The following DIS3L2 variants were observed in gnomAD, a reference collection of about 807,000 sequenced individuals.
DIS3L2 encodes DIS3 like 3'-5' exoribonuclease 2.
A neutral mutation model predicts 97.5 loss-of-function variants in DIS3L2; 34 were observed. The observed-to-expected ratio is 0.35, with a 90% CI of 0.27 to 0.46. The LOEUF is 0.46. Among genes scored for constraint, DIS3L2 ranks in the 20% least tolerant of loss-of-function variants. The pLI is 1.00. For missense variants in DIS3L2, 1,038 were observed against 1,146.0 expected (o/e 0.91, Z 1.36); for synonymous variants, 435 against 445.2 (o/e 0.98, Z 0.29).
chr2:232,228,611 C>G (rs1692709432), intron 10 of DIS3L2, among the ~76,000 whole-genome samples: 1 of 152,096 alleles, frequency 6.6e-6, no homozygotes, highest in Admixed American at 6.6e-5. Flanking sequence ...CATAATCCAC[C>G]AGGAGAATTG....
intron 5 of DIS3L2, among the ~76,000 whole-genome samples, chr2:232,078,240 T>C (rs1175105113): frequency 1.3e-5 from 2 of 151,986 alleles, no homozygotes; most frequent in Middle Eastern, 3.2e-3. Context: ...GATGGGGTTT[T>C]GCCATGTTGG....
Position 232,126,371 on chromosome 2 carries a change from TAGA to T in DIS3L2, c.602-4241_602-4239del, listed in dbSNP as rs559641740. Among the ~76,000 whole-genome samples, 706 of 152,328 alleles carry T rather than the reference TAGA, an allele frequency of 4.6e-3. 3 individuals carry two copies. The highest frequency in any genetic ancestry group is 7.8e-3 in the Non-Finnish European group (530 of 68,024). On this transcript the variant is annotated intron_variant, in intron 6 of 20. Transcript: ENST00000325385. Reference sequence around the variant, plus strand: ...GAAAGAAGTTAATTTCTATCTCACGTAGAAGAAGATCAGAGACAGGCAGGCCAA... The same window carrying T: ...GAAAGAAGTTAATTTCTATCTCACGTAGAAGATCAGAGACAGGCAGGCCAA...
At chr2:232,301,891 C>T (rs77244045) in intron 14 of DIS3L2, among the ~76,000 whole-genome samples, 11,661 of 136,900 alleles carry the variant, frequency 0.085, 577 homozygotes, top group Middle Eastern at 0.17. Context: ...GTTCCCTAGG[C>T]TGGTCTTGAA....
At chr2:232,181,404 T>C (rs924357709) in intron 9 of DIS3L2, among the ~76,000 whole-genome samples, 5 of 152,164 alleles carry the variant, frequency 3.3e-5, no homozygotes, top group African/African-American at 9.7e-5. Context: ...TCCTGCAGAG[T>C]GTTTTCCAAC....
chr2:232,055,121 A>G (rs985783110), intron 5 of DIS3L2, among the ~76,000 whole-genome samples: 1 of 152,256 alleles, frequency 6.6e-6, no homozygotes, highest in Admixed American at 6.5e-5. Flanking sequence ...ACAAAAGCCG[A>G]CAGTAAACAT....
At chr2:232,154,911 C>G (rs1474119335) in intron 8 of DIS3L2, among the ~76,000 whole-genome samples, 9 of 73,012 alleles carry the variant, frequency 1.2e-4, no homozygotes, top group African/African-American at 4.3e-4. Context: ...CGTGGTGCGC[C>G]GTTTCTTAAG....
At chr2:232,317,542 T>C (rs1322974251) in intron 14 of DIS3L2, among the ~76,000 whole-genome samples, 1 of 152,136 alleles carries the variant, frequency 6.6e-6, no homozygotes, top group East Asian at 1.9e-4. Context: ...GTTCAAGCGA[T>C]TCATGTGCCT....
chr2:232,133,388 AGGACC>A (rs1698271862), intron 7 of DIS3L2, among the ~76,000 whole-genome samples: 1 of 152,234 alleles, frequency 6.6e-6, no homozygotes, highest in Non-Finnish European at 1.5e-5. Context: ...AAAGTAGGTC[AGGACC>A]TGCATGTTAA....
At chr2:232,284,918 C>T (rs1219134821) in intron 13 of DIS3L2, among the ~76,000 whole-genome samples, 1 of 152,176 alleles carries the variant, frequency 6.6e-6, no homozygotes, top group Non-Finnish European at 1.5e-5. Context: ...TTAGCAGGTG[C>T]TTGCCCACAG....
At chr2:232,343,428 A>G in exon 14 of DIS3L2, 1 of 1,556,134 alleles carries the variant, frequency 6.4e-7, no homozygotes, top group Non-Finnish European at 8.7e-7. Flanking sequence ...AGCCCTCCAC[A>G]GAGGAACGCC....
At position 232,300,444 on chromosome 2, in the gene DIS3L2, T is replaced by C. The variant is rs546691798; in HGVS notation, c.1739+325T>C. ...TCATGTGCCTGCTTGTTTGGTTCAC[T>C]GTGTGACTTTGGCTTTGTTGTAGTT... On this transcript the variant is annotated intron_variant, in intron 14 of 20. Transcript: ENST00000325385. Among the ~76,000 whole-genome samples the C allele has an allele frequency of 4.6e-5, 7 of 152,320 alleles. 1 individual carries two copies. In the East Asian group the frequency reaches 1.2e-3, roughly 25 times the overall value.
intron 8 of DIS3L2, among the ~76,000 whole-genome samples, chr2:232,145,722 C>T (rs955134871): frequency 2.0e-5 from 3 of 151,982 alleles, no homozygotes; most frequent in Admixed American, 1.3e-4. Flanking sequence ...TTGTTTTTGC[C>T]ATCCTCTGTT....
At chr2:232,190,636 A>T (rs72992343) in intron 9 of DIS3L2, among the ~76,000 whole-genome samples, 1,887 of 152,056 alleles carry the variant, frequency 0.012, 17 homozygotes, top group Non-Finnish European at 0.018. Context: ...AAGAAAGAGA[A>T]AGAAAGAGAG....
At chr2:232,138,608 C>T (rs919436163) in intron 8 of DIS3L2, among the ~76,000 whole-genome samples, 2 of 152,010 alleles carry the variant, frequency 1.3e-5, no homozygotes, top group Admixed American at 6.6e-5. Flanking sequence ...TCTGGTTATC[C>T]GTTACTGATC....
intron 3 of DIS3L2, among the ~76,000 whole-genome samples, chr2:232,020,910 G>A (rs1246945537): frequency 6.6e-5 from 10 of 152,156 alleles, no homozygotes; most frequent in Admixed American, 6.5e-4. Context: ...TATAAGAGGA[G>A]CGTCTGTTAT....
chr2:232,086,237 G>T (rs954039621), intron 5 of DIS3L2, among the ~76,000 whole-genome samples: 1 of 150,662 alleles, frequency 6.6e-6, no homozygotes, highest in African/African-American at 2.4e-5. Flanking sequence ...ACGTGTATAC[G>T]TATATATACA....
chr2:231,963,407 G>C (rs1692623046), intron 1 of DIS3L2, among the ~76,000 whole-genome samples: 1 of 152,138 alleles, frequency 6.6e-6, no homozygotes, highest in Non-Finnish European at 1.5e-5. Flanking sequence ...CTTCTGAGAA[G>C]TGTTCATGTC....
intron 11 of DIS3L2, among the ~76,000 whole-genome samples, chr2:232,244,653 C>A (rs1693199220): frequency 6.6e-6 from 1 of 152,050 alleles, no homozygotes; most frequent in South Asian, 2.1e-4. Context: ...GAGAAATTGG[C>A]CAAAGGAAGG....
At chr2:232,084,997 T>C (rs1696530085) in intron 5 of DIS3L2, among the ~76,000 whole-genome samples, 1 of 152,214 alleles carries the variant, frequency 6.6e-6, no homozygotes, top group Non-Finnish European at 1.5e-5. Context: ...TAAAATGCTT[T>C]AGGAAAGATT....
Sources: allele counts gnomAD v4.1 joint callset (sites outside exome capture counted in the v4.1 genomes callset), GRCh38; gene constraint gnomAD v4.1.1; transcripts MANE v1.5; gene names NCBI Gene and HGNC (gene_info 2026-07-23, HGNC 2026-07-21).